The following GLIS3 variants were observed in gnomAD, a reference collection of about 807,000 sequenced individuals.
The protein encoded by GLIS3 is zinc finger protein GLIS3.
In GLIS3, 53 loss-of-function variants were observed where a neutral mutation model predicts 78.6. That is an observed-to-expected ratio of 0.67 (90% confidence interval 0.54 to 0.85). GLIS3 has a LOEUF of 0.85. Ranked by LOEUF, GLIS3 falls within the 40% of genes least tolerant of loss-of-function variation. The pLI is 0.00. For synonymous variants in GLIS3, 684 were observed against 509.9 expected (o/e 1.34, Z -4.60); for missense variants, 1,703 against 1,231.1 (o/e 1.38, Z -5.74).
intron 4 of GLIS3, among the ~76,000 whole-genome samples, chr9:3,985,057 T>A (rs1449459440): frequency 1.3e-5 from 2 of 150,738 alleles, no homozygotes; most frequent in African/African-American, 2.4e-5. Flanking sequence ...TATGTCTTCA[T>A]CAGCAGTGTA....
In GLIS3 at chr9:3,877,867, T is replaced by G. The variant is rs139180656; in HGVS notation, c.2297+1560A>C. ...TACTCAACTATCTTGCCACCTGAATTCTTTTGCTGTAATGTCAATCTGATT... is the reference window on the plus strand; with the variant it reads ...TACTCAACTATCTTGCCACCTGAATGCTTTTGCTGTAATGTCAATCTGATT... On this transcript the variant is annotated intron_variant, in intron 8 of 10. Coordinates refer to ENST00000381971, the MANE Select transcript of GLIS3 (RefSeq NM_001042413.2). 1.2e-4 allele frequency among the ~76,000 whole-genome samples: 19 copies of G among 152,324 alleles called. No individual in the cohort carries two copies. The East Asian group carries it at 3.7e-3, about 29-fold the overall frequency.
chr9:3,942,704 C>T (rs1816016272), intron 4 of GLIS3, among the ~76,000 whole-genome samples: 1 of 151,832 alleles, frequency 6.6e-6, no homozygotes, highest in Non-Finnish European at 1.5e-5. Flanking sequence ...AAAACACAGA[C>T]TCTGCCTCAG....
chr9:3,977,215 G>C lies in GLIS3; in HGVS notation c.1711-40026C>G, dbSNP rs1399796575. On this transcript the variant is annotated intron_variant, in intron 4 of 10. Coordinates refer to ENST00000381971, the MANE Select transcript of GLIS3 (RefSeq NM_001042413.2). The surrounding 1 kb of genome is among the most constrained non-coding windows in gnomAD (Gnocchi z 4.1). ...AATATTGTCAGTTCAGATGACAAAA[G>C]ACCTTGCTAGGCCACCCCTCCTCCA... 6.6e-6 allele frequency among the ~76,000 whole-genome samples: 1 copy of C among 152,106 alleles called. No individual in the cohort carries two copies. Among genetic ancestry groups the C allele is most frequent in the Non-Finnish European group, 1.5e-5 (1 of 68,016 alleles).
chr9:4,211,194 G>A (rs750161306), intron 2 of GLIS3, among the ~76,000 whole-genome samples: 2 of 152,340 alleles, frequency 1.3e-5, no homozygotes, highest in South Asian at 2.1e-4. Flanking sequence ...AGATTGTGCC[G>A]AATACATGAA....
the GLIS3 span, among the ~76,000 whole-genome samples, chr9:4,445,076 G>A: frequency 6.6e-6 from 1 of 152,152 alleles, no homozygotes; most frequent in Non-Finnish European, 1.5e-5. Context: ...CAACTCTGGG[G>A]AATATTAGAA....
At chr9:4,464,630 A>G in the GLIS3 span, among the ~76,000 whole-genome samples, 2 of 152,122 alleles carry the variant, frequency 1.3e-5, no homozygotes, top group South Asian at 4.1e-4. Context: ...CCTGACCTCA[A>G]GTGATCCACC....
chr9:4,085,616 T>G (rs1395096011), intron 4 of GLIS3, among the ~76,000 whole-genome samples: 1 of 152,176 alleles, frequency 6.6e-6, no homozygotes, highest in Admixed American at 6.5e-5. Flanking sequence ...CATGTTGAAG[T>G]GTAATTCCCA....
chr9:4,073,176 T>C (rs572753879), intron 4 of GLIS3, among the ~76,000 whole-genome samples: 119 of 152,210 alleles, frequency 7.8e-4, no homozygotes, highest in African/African-American at 2.8e-3. Flanking sequence ...AAATGTATAG[T>C]AGAGACAGAG....
At chr9:4,067,603 TCAA>T in intron 4 of GLIS3, among the ~76,000 whole-genome samples, 1 of 152,098 alleles carries the variant, frequency 6.6e-6, no homozygotes, top group Admixed American at 6.5e-5. Context: ...CTCCTCAAAT[TCAA>T]CAAGATTCAA....
chr9:4,392,320 TAG>T, the GLIS3 span, among the ~76,000 whole-genome samples: 1 of 152,204 alleles, frequency 6.6e-6, no homozygotes, highest in East Asian at 1.9e-4. Flanking sequence ...GACGGGTTGA[TAG>T]GTGCTGCAAA....
chr9:4,270,718 A>G (rs1452862881), intron 2 of GLIS3, among the ~76,000 whole-genome samples: 1 of 152,226 alleles, frequency 6.6e-6, no homozygotes, highest in East Asian at 1.9e-4. Flanking sequence ...CTGTGTGACG[A>G]TCTCTGAGCT....
intron 2 of GLIS3, among the ~76,000 whole-genome samples, chr9:4,313,402 T>C (rs1337849688): frequency 6.6e-6 from 1 of 152,154 alleles, no homozygotes; most frequent in Non-Finnish European, 1.5e-5. Flanking sequence ...TTTCTGGATG[T>C]TTCTGGCATC....
At chr9:4,336,309 A>G (rs933188084) in intron 2 of GLIS3, among the ~76,000 whole-genome samples, 1 of 152,158 alleles carries the variant, frequency 6.6e-6, no homozygotes, top group Non-Finnish European at 1.5e-5. Flanking sequence ...CTCTATGGCT[A>G]AGCTATCTAT....
At chr9:4,483,882 T>C in the GLIS3 span, among the ~76,000 whole-genome samples, 2 of 152,294 alleles carry the variant, frequency 1.3e-5, no homozygotes, top group South Asian at 4.2e-4. Context: ...ATAATGATGA[T>C]AAGCCATCAT....
At chr9:4,391,586 G>C in the GLIS3 span, among the ~76,000 whole-genome samples, 4 of 149,068 alleles carry the variant, frequency 2.7e-5, no homozygotes, top group African/African-American at 1.0e-4. Context: ...TGTTGGGCTC[G>C]GGTAGGTTGA....
the GLIS3 span, among the ~76,000 whole-genome samples, chr9:4,427,479 T>G: frequency 6.6e-6 from 1 of 152,128 alleles, no homozygotes; most frequent in Admixed American, 6.5e-5. Context: ...ACTCTTATAT[T>G]CCTTGAGCCT....
chr9:3,960,741 A>G (rs1010706899), intron 4 of GLIS3, among the ~76,000 whole-genome samples: 5 of 152,232 alleles, frequency 3.3e-5, no homozygotes, highest in Admixed American at 6.5e-5. Flanking sequence ...TGGTGAATCA[A>G]CAGAATTCAC....
intron 4 of GLIS3, among the ~76,000 whole-genome samples, chr9:3,958,660 C>T (rs566703214): frequency 6.6e-6 from 1 of 152,162 alleles, no homozygotes; most frequent in Non-Finnish European, 1.5e-5. Flanking sequence ...ATAGAGTCCT[C>T]GCTCTCAGGA....
chr9:3,915,850 C>G (rs769780167), intron 6 of GLIS3, among the ~76,000 whole-genome samples: 8 of 152,092 alleles, frequency 5.3e-5, no homozygotes, highest in Non-Finnish European at 1.2e-4. Context: ...GAAATACTCT[C>G]GCATATATAT....
Sources: gnomAD v4.1 joint callset for allele counts (sites outside exome capture counted in the v4.1 genomes callset) on GRCh38, gnomAD v4.1.1 for gene constraint, Gnocchi (gnomAD v3.1) non-coding constraint, MANE v1.5 for transcripts, NCBI Gene and HGNC (gene_info 2026-07-23, HGNC 2026-07-21) for gene names.